The following ZC3H12C variants were observed in gnomAD, a reference collection of about 807,000 sequenced individuals.
ZC3H12C encodes the protein zinc finger CCCH-type containing 12C.
A neutral mutation model predicts 76.3 loss-of-function variants in ZC3H12C; 20 were observed. The ratio of observed to expected loss-of-function variants is 0.26; its 90% CI spans 0.18 to 0.38. The LOEUF (loss-of-function observed/expected upper bound fraction) is 0.38, where lower values mean the gene tolerates loss of function less well. Ranked by LOEUF, ZC3H12C falls within the 10% of genes least tolerant of loss-of-function variation. ZC3H12C has a pLI of 1.00. For missense variants in ZC3H12C, 874 were observed against 1,086.5 expected (o/e 0.80, Z 2.75); for synonymous variants, 352 against 399.6 (o/e 0.88, Z 1.42).
chr11:110,164,802 A>G lies in ZC3H12C; in HGVS notation c.1717A>G (p.Met573Val), dbSNP rs1445785008. ...GGCAACCAAAAATCATGGAACGCCA[A>G]TGCCTTATGAACAGTATCCAAAATG... ...MMATKNHGTP[M>V]PYEQYPKCDS... The change falls in exon 6 of 6, where the codon ATG becomes GTG. Residue 573 changes from methionine to valine, a missense_variant. Coordinates refer to ENST00000278590, the MANE Select transcript of ZC3H12C (RefSeq NM_033390.2). This position sits in a 1 kb window ranked among gnomAD's most constrained non-coding sequence, Gnocchi z 5.7. 74 of 1,613,924 alleles carry G rather than the reference A, an allele frequency of 4.6e-5. No homozygotes were observed. The highest frequency in any genetic ancestry group is 5.2e-5 in the Non-Finnish European group (61 of 1,179,896).
At chr11:110,093,556 G>A in intron 1 of ZC3H12C, 124 bp downstream of exon 1, 1 of 674,760 alleles carries the variant, frequency 1.5e-6, no homozygotes, top group Non-Finnish European at 2.0e-6. Flanking sequence ...GGGCCGCAGC[G>A]ACCTCGCCGT....
intron 3 of ZC3H12C, 54 bp from the exon 4 acceptor site, chr11:110,159,202 T>G (rs1862433797): frequency 7.3e-7 from 1 of 1,374,338 alleles, no homozygotes; most frequent in Admixed American, 2.0e-5. Flanking sequence ...AAAGTTGCCA[T>G]GTGTGTTATC....
intron 1 of ZC3H12C, among the ~76,000 whole-genome samples, chr11:110,130,404 A>G (rs1188320822): frequency 6.6e-6 from 1 of 152,160 alleles, no homozygotes; most frequent in Non-Finnish European, 1.5e-5. Flanking sequence ...TTGTCTTGCA[A>G]CAAATTAACA....
chr11:110,125,322 G>GT (rs905816751), intron 1 of ZC3H12C, among the ~76,000 whole-genome samples: 1 of 109,820 alleles, frequency 9.1e-6, no homozygotes, highest in African/African-American at 3.5e-5. Context: ...TGTGTGTGTG[G>GT]TTTTTTTTGT....
At chr11:110,124,805 T>C (rs1160906703) in intron 1 of ZC3H12C, among the ~76,000 whole-genome samples, 5 of 125,926 alleles carry the variant, frequency 4.0e-5, no homozygotes, top group Admixed American at 8.9e-5. Context: ...ACTTGTGATT[T>C]GCAGCTGAGA....
At chr11:110,099,771 C>T (rs1591454784) in intron 1 of ZC3H12C, among the ~76,000 whole-genome samples, 1 of 150,284 alleles carries the variant, frequency 6.7e-6, no homozygotes. Flanking sequence ...GAGATTGTGC[C>T]ACTGCACTCC....
chr11:110,097,978 A>G (rs1480336331), intron 1 of ZC3H12C, among the ~76,000 whole-genome samples: 5 of 152,202 alleles, frequency 3.3e-5, no homozygotes, highest in South Asian at 2.1e-4. Flanking sequence ...TTACTATACT[A>G]TACTTTTTAT....
In ZC3H12C at chr11:110,165,720, T is replaced by G. The variant is rs368189302; in HGVS notation, c.2635T>G (p.Ser879Ala). The G allele has an allele frequency of 1.1e-5, 18 of 1,583,306 alleles. No individual in the cohort carries two copies. The highest frequency in any genetic ancestry group is 1.5e-5 in the Non-Finnish European group (18 of 1,163,738). The change falls in exon 6 of 6, where the codon TCC becomes GCC. Residue 879 changes from serine to alanine, a missense_variant. Ser to Ala is a moderately conservative substitution (Grantham distance 99). Transcript: ENST00000278590. ...QLAAAILVEKSQLGY is the reference protein window; with the variant it reads ...QLAAAILVEKAQLGY Reference sequence around the variant, plus strand: ...CGCCGCAGCCATTTTAGTGGAGAAATCCCAGCTGGGTTATTGAAAGATGAT... The same window carrying G: ...CGCCGCAGCCATTTTAGTGGAGAAAGCCCAGCTGGGTTATTGAAAGATGAT...
At chr11:110,112,292 G>A (rs1020774173) in intron 1 of ZC3H12C, among the ~76,000 whole-genome samples, 1 of 152,056 alleles carries the variant, frequency 6.6e-6, no homozygotes, top group Non-Finnish European at 1.5e-5. Flanking sequence ...TTGACTTCCC[G>A]GGCTCAAGCA....
intron 1 of ZC3H12C, among the ~76,000 whole-genome samples, chr11:110,120,264 A>T (rs1459137517): frequency 2.0e-5 from 3 of 152,174 alleles, no homozygotes; most frequent in Non-Finnish European, 2.9e-5. Context: ...TTCTGTTTAA[A>T]GATGCCTTAT....
At chr11:110,101,165 G>C (rs1861206945) in intron 1 of ZC3H12C, among the ~76,000 whole-genome samples, 1 of 152,150 alleles carries the variant, frequency 6.6e-6, no homozygotes, top group Non-Finnish European at 1.5e-5. Context: ...TCCAGAGAAA[G>C]GCATTAACTC....
intron 1 of ZC3H12C, among the ~76,000 whole-genome samples, chr11:110,095,705 G>A (rs1204109760): frequency 6.6e-6 from 1 of 152,176 alleles, no homozygotes; most frequent in Non-Finnish European, 1.5e-5. Context: ...AGAAATTCAG[G>A]TACTGGGGAG....
At chr11:110,114,539 G>A (rs1409173058) in intron 1 of ZC3H12C, among the ~76,000 whole-genome samples, 1 of 152,170 alleles carries the variant, frequency 6.6e-6, no homozygotes, top group Non-Finnish European at 1.5e-5. Flanking sequence ...TCAGATAAAT[G>A]TTTCTTCCGT....
In ZC3H12C at chr11:110,163,359, A is replaced by G. The variant is rs1417363872; in HGVS notation, c.1235A>G (p.Lys412Arg). The change falls in exon 5 of 6, where the codon AAA (lysine) becomes AGA (arginine). Residue 412 changes from lysine to arginine, a missense_variant. Transcript: ENST00000278590. ...LRKKPIVPEHKKQPCPYGKKC... is the reference protein window; with the variant it reads ...LRKKPIVPEHRKQPCPYGKKC... ...AAGAAACCTATTGTTCCTGAACACA[A>G]AAAGCAGCCTTGTCCATATGGTAAC... 3 of 1,612,372 alleles carry G rather than the reference A, an allele frequency of 1.9e-6. No individual in the cohort carries two copies. The highest frequency in any genetic ancestry group is 1.7e-6 in the Non-Finnish European group (2 of 1,179,320).
intron 2 of ZC3H12C, among the ~76,000 whole-genome samples, chr11:110,139,900 G>A (rs58625754): frequency 4.0e-5 from 5 of 123,722 alleles, no homozygotes; most frequent in Admixed American, 1.0e-4. Flanking sequence ...ACTGAGTCTC[G>A]CTTTGTCACT....
chr11:110,104,876 CAT>C (rs1322388142), intron 1 of ZC3H12C, among the ~76,000 whole-genome samples: 1 of 152,202 alleles, frequency 6.6e-6, no homozygotes, highest in Non-Finnish European at 1.5e-5. Flanking sequence ...TCTACTTACT[CAT>C]TGGCTCTTAG....
intron 1 of ZC3H12C, among the ~76,000 whole-genome samples, chr11:110,097,558 T>C (rs1861135977): frequency 6.6e-6 from 1 of 152,242 alleles, no homozygotes. Flanking sequence ...GTACATGTAT[T>C]AATGCATTTA....
rs752800583 is a variant in ZC3H12C at position 110,164,362 on chromosome 11, A to G, written c.1277A>G (p.His426Arg). 6.2e-7 allele frequency: 1 copy of G among 1,612,534 alleles called. No homozygotes were observed. The change falls in exon 6 of 6, where the codon CAC (histidine) becomes CGC (arginine). Residue 426 changes from histidine to arginine, a missense_variant. By Grantham distance (29) the His-to-Arg change is conservative (BLOSUM62 0). Coordinates refer to ENST00000278590, the MANE Select transcript of ZC3H12C (RefSeq NM_033390.2). The surrounding 1 kb of genome is among the most constrained non-coding windows in gnomAD (Gnocchi z 5.7). The part of the protein sequence containing the change: ...CPYGKKCTYG[H>R]KCKYYHPERG... The stretch of plus-strand genomic sequence containing the variant: ...TTAGGAAAGAAGTGTACCTATGGAC[A>G]CAAGTGCAAATATTACCATCCCGAA...
intron 1 of ZC3H12C, among the ~76,000 whole-genome samples, chr11:110,096,160 G>A (rs1861108765): frequency 6.6e-6 from 1 of 152,158 alleles, no homozygotes. Context: ...ATAGTTCAGA[G>A]AAAGGATGAT....
Sources: gnomAD v4.1 joint callset for allele counts (sites outside exome capture counted in the v4.1 genomes callset) on GRCh38, gnomAD v4.1.1 for gene constraint, Gnocchi (gnomAD v3.1) non-coding constraint, MANE v1.5 for transcripts, NCBI Gene and HGNC (gene_info 2026-07-23, HGNC 2026-07-21) for gene names.